The following ANXA8 variants were observed in gnomAD, a reference collection of about 807,000 sequenced individuals.
The protein encoded by ANXA8 is annexin A8.
A neutral mutation model predicts 26.8 loss-of-function variants in ANXA8; 9 were observed. The ratio of observed to expected loss-of-function variants is 0.34; its 90% CI spans 0.20 to 0.59. The LOEUF is 0.59. Among genes scored for constraint, ANXA8 ranks in the 20% least tolerant of loss-of-function variants. The pLI is 0.84. For missense variants in ANXA8, 83 were observed against 238.5 expected (o/e 0.35, Z 4.29); for synonymous variants, 39 against 94.8 (o/e 0.41, Z 3.42).
chr10:47,663,378 T>C, the ANXA8 span, among the ~76,000 whole-genome samples: 2 of 137,150 alleles, frequency 1.5e-5, no homozygotes, highest in Non-Finnish European at 3.0e-5. Context: ...AAAGTCATTA[T>C]AGTTAAAAAA....
the ANXA8 span, among the ~76,000 whole-genome samples, chr10:47,622,375 T>G: frequency 4.6e-5 from 5 of 107,828 alleles, no homozygotes; most frequent in Non-Finnish European, 9.8e-5. Flanking sequence ...ATGGAAGGAT[T>G]TTATTCTGTA....
chr10:47,540,454 GA>G, the ANXA8 span, among the ~76,000 whole-genome samples: 588 of 127,542 alleles, frequency 4.6e-3, 43 homozygotes, highest in African/African-American at 0.016. Flanking sequence ...TCTAATTTTA[GA>G]AAAAAATTGC....
At chr10:47,533,225 C>CATACACA in the ANXA8 span, among the ~76,000 whole-genome samples, 1 of 98,550 alleles carries the variant, frequency 1.0e-5, no homozygotes, top group Non-Finnish European at 2.2e-5. Context: ...ACACACACAC[C>CATACACA]CCCGCAGACA....
At chr10:47,498,502 G>A in the ANXA8 span, among the ~76,000 whole-genome samples, 8,110 of 117,362 alleles carry the variant, frequency 0.069, 356 homozygotes, top group African/African-American at 0.22. Context: ...CAATTATTTT[G>A]GCTATATACC....
the ANXA8 span, among the ~76,000 whole-genome samples, chr10:47,634,061 C>T: frequency 7.4e-6 from 1 of 135,182 alleles, no homozygotes; most frequent in Admixed American, 7.2e-5. Flanking sequence ...ATAAACGCAG[C>T]TCAAAACACT....
chr10:47,579,149 G>GTT, the ANXA8 span, among the ~76,000 whole-genome samples: 1 of 140,138 alleles, frequency 7.1e-6, no homozygotes, highest in African/African-American at 2.8e-5. Context: ...CCTGTTTTTG[G>GTT]TTTTTTTTGA....
At chr10:47,489,113 G>T (rs1259446826), upstream of ANXA8, among the ~76,000 whole-genome samples, 3 of 150,176 alleles carry the variant, frequency 2.0e-5, no homozygotes, top group South Asian at 6.4e-4. Flanking sequence ...TGCCTCCCAG[G>T]TACACACCAT....
the ANXA8 span, among the ~76,000 whole-genome samples, chr10:47,941,576 C>T: frequency 1.4e-5 from 2 of 147,076 alleles, 1 homozygote; most frequent in African/African-American, 5.2e-5. Context: ...ATTGCTTGAA[C>T]CCTCTGCAGT....
the ANXA8 span, among the ~76,000 whole-genome samples, chr10:47,560,680 G>T: frequency 0.19 from 28,183 of 151,228 alleles, 2,865 homozygotes; most frequent in East Asian, 0.52. Flanking sequence ...ACCCCTCCAT[G>T]CAAGCGGATG....
the ANXA8 span, among the ~76,000 whole-genome samples, chr10:47,942,817 G>A: frequency 6.8e-6 from 1 of 146,058 alleles, no homozygotes; most frequent in Non-Finnish European, 1.5e-5. Flanking sequence ...ACAGGCGGCA[G>A]GAGGCCAATT....
At chr10:47,907,152 G>A in the ANXA8 span, among the ~76,000 whole-genome samples, 17 of 151,846 alleles carry the variant, frequency 1.1e-4, no homozygotes, top group African/African-American at 3.9e-4. Context: ...TCAGGAGATC[G>A]AGACCATCCT....
the ANXA8 span, among the ~76,000 whole-genome samples, chr10:47,674,418 C>T: frequency 6.6e-6 from 1 of 151,598 alleles, no homozygotes; most frequent in East Asian, 1.9e-4. Flanking sequence ...AGACATGTGC[C>T]ACTATGCTTG....
the ANXA8 span, among the ~76,000 whole-genome samples, chr10:47,644,200 G>A: frequency 7.5e-5 from 11 of 146,602 alleles, no homozygotes; most frequent in East Asian, 1.2e-3. Flanking sequence ...AAAACTGCAC[G>A]TCCAGGATAC....
chr10:47,744,422 T>TTGGGGGGGGGGGGGGGGAGGGGGGGGG, the ANXA8 span, among the ~76,000 whole-genome samples: 1 of 11,734 alleles, frequency 8.5e-5, no homozygotes. Flanking sequence ...GGGGGGGGGG[T>TTGGGGGGGGGGGGGGGGAGGGGGGGGG]TGGGGGGGAG....
chr10:47,976,387 T>C, the ANXA8 span, among the ~76,000 whole-genome samples: 5 of 151,578 alleles, frequency 3.3e-5, no homozygotes, highest in Admixed American at 3.3e-4. Context: ...GTAGTCTTCT[T>C]TTCCAAGCTC....
At chr10:47,756,672 T>A in the ANXA8 span, among the ~76,000 whole-genome samples, 2 of 152,310 alleles carry the variant, frequency 1.3e-5, no homozygotes, top group African/African-American at 4.8e-5. Flanking sequence ...CACAAACAGG[T>A]GGCTGACCAC....
chr10:47,743,303 T>TATATACACATATATATAC, the ANXA8 span, among the ~76,000 whole-genome samples: 1 of 53,946 alleles, frequency 1.9e-5, no homozygotes, highest in Non-Finnish European at 3.9e-5. Flanking sequence ...TACACATATA[T>TATATACACATATATATAC]ATATATATAC....
chr10:47,475,077 G>A, intron 6 of ANXA8, 73 bp from the exon 7 acceptor site: 1 of 1,518,212 alleles, frequency 6.6e-7, no homozygotes, highest in South Asian at 1.2e-5. Flanking sequence ...GGGGATCCTG[G>A]GCTTGGAGGG....
the ANXA8 span, among the ~76,000 whole-genome samples, chr10:47,755,248 C>A: frequency 6.6e-6 from 1 of 150,966 alleles, no homozygotes; most frequent in East Asian, 2.0e-4. Flanking sequence ...AGCCACCGCA[C>A]CCAGCCAACC....
Sources: gnomAD v4.1 joint callset for allele counts (sites outside exome capture counted in the v4.1 genomes callset) on GRCh38, gnomAD v4.1.1 for gene constraint, MANE v1.5 for transcripts, NCBI Gene and HGNC (gene_info 2026-07-23, HGNC 2026-07-21) for gene names.